Variants in FAM53B observed in about 807,000 individuals in gnomAD.
The protein encoded by FAM53B is family with sequence similarity 53 member B, also known as protein FAM53B.
FAM53B carries 12 observed loss-of-function variants against 32.7 expected under a neutral mutation model. The ratio of observed to expected loss-of-function variants is 0.37; its 90% CI spans 0.24 to 0.59. The LOEUF (loss-of-function observed/expected upper bound fraction) is 0.59. Ranked by LOEUF, FAM53B falls within the 20% of genes least tolerant of loss-of-function variation. The pLI is 0.72. For synonymous variants in FAM53B, 234 were observed against 228.7 expected (o/e 1.02, Z -0.21); for missense variants, 477 against 577.7 (o/e 0.83, Z 1.79).
chr10:124,696,105 C>A lies in FAM53B; in HGVS notation c.133+53G>T, dbSNP rs1333350717. 13 of 1,485,368 alleles carry A rather than the reference C, an allele frequency of 8.8e-6. No homozygotes were observed. The African/African-American group carries it at 1.2e-4, about 14-fold the overall frequency. The allele number at this position is 1,485,368 out of a possible 1,614,324, so 92.0% of individuals were successfully genotyped here. ...GAGTGTCTCACCTGGAGGACTCAGA[C>A]CCTGGCTGGAAGGACTAGGAGGACA... On this transcript the variant is annotated intron_variant, in intron 3 of 4. Coordinates refer to ENST00000337318, the MANE Select transcript of FAM53B (RefSeq NM_014661.4).
At chr10:124,691,958 G>T (rs975488071) in intron 3 of FAM53B, among the ~76,000 whole-genome samples, 4 of 152,218 alleles carry the variant, frequency 2.6e-5, no homozygotes, top group Admixed American at 2.0e-4. Context: ...CTGACCAGGG[G>T]GTGGGCCGCA....
In FAM53B at chr10:124,658,876, C is replaced by G. The variant is rs545109655; in HGVS notation, c.906+22731G>C. ...TCAAACCCTGCTCCCTGTGCCCCCA[C>G]TGAGGCTGCGCTGCACGGGCTCAGC... On this transcript the variant is annotated intron_variant, in intron 4 of 4. Coordinates refer to ENST00000337318, the MANE Select transcript of FAM53B (RefSeq NM_014661.4). 6.2e-4 allele frequency among the ~76,000 whole-genome samples: 94 copies of G among 152,376 alleles called. No homozygotes were observed. In the Middle Eastern group the frequency reaches 0.01, roughly 17 times the overall value.
At chr10:124,699,140 T>C (rs1272736556) in intron 2 of FAM53B, among the ~76,000 whole-genome samples, 2 of 152,230 alleles carry the variant, frequency 1.3e-5, no homozygotes, top group East Asian at 1.9e-4. Context: ...TTAATGAACA[T>C]GGCAGGTATC....
At chr10:124,626,326 C>G (rs55993461) in intron 4 of FAM53B, among the ~76,000 whole-genome samples, 1 of 150,094 alleles carries the variant, frequency 6.7e-6, no homozygotes, top group African/African-American at 2.5e-5. Flanking sequence ...GGGTGCCTAA[C>G]TTATGGCCAC....
chr10:124,676,930 G>A (rs377359823), intron 4 of FAM53B, among the ~76,000 whole-genome samples: 68 of 152,234 alleles, frequency 4.5e-4, no homozygotes, highest in Middle Eastern at 3.4e-3. Context: ...AGGGAGGTTC[G>A]GGGACTCAGT....
chr10:124,657,932 A>T (rs930834044), intron 4 of FAM53B, among the ~76,000 whole-genome samples: 1 of 152,230 alleles, frequency 6.6e-6, no homozygotes, highest in African/African-American at 2.4e-5. Flanking sequence ...GCTTCTCCGC[A>T]GCCAGGAAGG....
At chr10:124,672,450 C>A in intron 4 of FAM53B, among the ~76,000 whole-genome samples, 1 of 152,268 alleles carries the variant, frequency 6.6e-6, no homozygotes, top group East Asian at 1.9e-4. Flanking sequence ...CTCCCTTTCG[C>A]TGCATCCTCT....
At chr10:124,683,292 A>T (rs1311418411) in intron 3 of FAM53B, among the ~76,000 whole-genome samples, 1 of 152,242 alleles carries the variant, frequency 6.6e-6, no homozygotes. Context: ...TGCAAAGATA[A>T]ATTTGACATA....
intron 4 of FAM53B, among the ~76,000 whole-genome samples, chr10:124,644,722 A>G (rs1237740916): frequency 6.6e-6 from 1 of 152,010 alleles, no homozygotes; most frequent in Non-Finnish European, 1.5e-5. Flanking sequence ...AGGGAACCCG[A>G]GAGTGCAGAT....
intron 3 of FAM53B, among the ~76,000 whole-genome samples, chr10:124,686,205 C>T (rs1949801734): frequency 6.6e-6 from 1 of 152,178 alleles, no homozygotes; most frequent in African/African-American, 2.4e-5. Context: ...CAGGAACAAG[C>T]ACAGATAAGA....
chr10:124,706,600 TG>T, intron 2 of FAM53B, 35 bp downstream of exon 2: 1 of 1,613,770 alleles, frequency 6.2e-7, no homozygotes, highest in South Asian at 1.1e-5. Flanking sequence ...GCCTCAGAAA[TG>T]GTCATGGAAA....
chr10:124,681,539 A>G, intron 4 of FAM53B, 68 bp downstream of exon 4: 2 of 1,390,910 alleles, frequency 1.4e-6, no homozygotes, highest in Non-Finnish European at 1.9e-6. Context: ...ATGCTTGTCT[A>G]GGACGGCCCA....
chr10:124,690,926 T>C (rs1949829050), intron 3 of FAM53B, among the ~76,000 whole-genome samples: 1 of 152,194 alleles, frequency 6.6e-6, no homozygotes, highest in Admixed American at 6.5e-5. Context: ...AAAATGGCTG[T>C]CTCTGCAAAA....
intron 1 of FAM53B, among the ~76,000 whole-genome samples, chr10:124,731,967 T>C (rs1182134916): frequency 1.3e-5 from 2 of 152,134 alleles, no homozygotes; most frequent in African/African-American, 4.8e-5. Flanking sequence ...CTCCCAAGTC[T>C]TCTCCCTATC....
chr10:124,696,326 T>C, intron 2 of FAM53B, 114 bp from the exon 3 acceptor site: 5 of 912,134 alleles, frequency 5.5e-6, no homozygotes, highest in Non-Finnish European at 7.1e-6. Context: ...TTTGCCAATG[T>C]CAGATCAGGG....
In FAM53B at chr10:124,651,085, G is replaced by A. The variant is rs531431446; in HGVS notation, c.907-27481C>T. Among the ~76,000 whole-genome samples the A allele has an allele frequency of 3.9e-5, 6 of 152,248 alleles. No individual in the cohort carries two copies. In the East Asian group the frequency reaches 5.8e-4, roughly 15 times the overall value. ...AAACCACCCCAAAGCCAAAGCCACTGCAGCAAAGGTGGCAGCAAGGCAGGG... is the reference window on the plus strand; with the variant it reads ...AAACCACCCCAAAGCCAAAGCCACTACAGCAAAGGTGGCAGCAAGGCAGGG... On this transcript the variant is annotated intron_variant, in intron 4 of 4. Coordinates refer to ENST00000337318, the MANE Select transcript of FAM53B (RefSeq NM_014661.4). This position sits in a 1 kb window ranked among gnomAD's most constrained non-coding sequence, Gnocchi z 5.2.
chr10:124,717,575 G>A (rs918620983), intron 1 of FAM53B, among the ~76,000 whole-genome samples: 1 of 152,266 alleles, frequency 6.6e-6, no homozygotes, highest in Non-Finnish European at 1.5e-5. Context: ...CCATAAAGCA[G>A]AGTCGGAGCA....
intron 4 of FAM53B, among the ~76,000 whole-genome samples, chr10:124,658,437 T>C (rs1949609656): frequency 6.6e-6 from 1 of 152,240 alleles, no homozygotes; most frequent in African/African-American, 2.4e-5. Context: ...TCTCAAAGGC[T>C]GCTTTGCCAA....
chr10:124,694,062 G>C (rs1318587727), intron 3 of FAM53B, among the ~76,000 whole-genome samples: 1 of 152,232 alleles, frequency 6.6e-6, no homozygotes, highest in Non-Finnish European at 1.5e-5. Flanking sequence ...CCCATGGAGA[G>C]AGAGCAGCAG....
Sources: gnomAD v4.1 joint callset for allele counts (sites outside exome capture counted in the v4.1 genomes callset) on GRCh38, gnomAD v4.1.1 for gene constraint, Gnocchi (gnomAD v3.1) non-coding constraint, MANE v1.5 for transcripts, NCBI Gene and HGNC (gene_info 2026-07-23, HGNC 2026-07-21) for gene names.